AGBL4: variants seen among roughly 807,000 people sequenced by gnomAD.
AGBL4 encodes the protein AGBL carboxypeptidase 4.
AGBL4 carries 58 observed loss-of-function variants against 66.4 expected under a neutral mutation model. That is an observed-to-expected ratio of 0.87 (90% CI 0.71 to 1.09). The LOEUF (loss-of-function observed/expected upper bound fraction) is 1.09, where lower values mean the gene tolerates loss of function less well. Among genes scored for constraint, AGBL4 ranks in the 50% least tolerant of loss-of-function variants. The pLI, the probability that AGBL4 is intolerant of heterozygous loss-of-function variation, is 0.00. For missense variants in AGBL4, 579 were observed against 631.0 expected, an observed-to-expected ratio of 0.92 and a Z score of 0.88; for synonymous variants, 234 against 222.9, an observed-to-expected ratio of 1.05 and a Z score of -0.44.
intron 2 of AGBL4, among the ~76,000 whole-genome samples, chr1:49,778,176 T>A (rs1644244913): frequency 6.6e-6 from 1 of 152,152 alleles, no homozygotes; most frequent in African/African-American, 2.4e-5. Flanking sequence ...GAATGCTGAG[T>A]GGGCTTGCAT....
At chr1:48,748,870 G>T (rs1209748676) in intron 6 of AGBL4, among the ~76,000 whole-genome samples, 1 of 152,126 alleles carries the variant, frequency 6.6e-6, no homozygotes, top group Non-Finnish European at 1.5e-5. Flanking sequence ...CTGTGAGTGA[G>T]GGCAGGAGCA....
chr1:49,240,645 TTTC>T (rs1441385333), intron 4 of AGBL4, among the ~76,000 whole-genome samples: 1 of 151,692 alleles, frequency 6.6e-6, no homozygotes, highest in Non-Finnish European at 1.5e-5. Flanking sequence ...AATGTAGGGA[TTTC>T]TCAGAGCCTT....
intron 1 of AGBL4, among the ~76,000 whole-genome samples, chr1:49,863,180 C>A (rs905927440): frequency 1.3e-5 from 2 of 152,086 alleles, no homozygotes; most frequent in Admixed American, 1.3e-4. Flanking sequence ...CAAGAACATA[C>A]ACTCAGGAAA....
intron 4 of AGBL4, among the ~76,000 whole-genome samples, chr1:49,064,261 C>T (rs1644453259): frequency 1.3e-5 from 2 of 152,148 alleles, no homozygotes; most frequent in South Asian, 4.1e-4. Context: ...TTCTCAATAG[C>T]AATTTATTTC....
chr1:49,026,203 T>C (rs1346684218), intron 5 of AGBL4, among the ~76,000 whole-genome samples: 1 of 152,178 alleles, frequency 6.6e-6, no homozygotes, highest in Non-Finnish European at 1.5e-5. Flanking sequence ...TTTTCCTGTA[T>C]GTACAGAGTC....
chr1:48,579,221 T>C (rs12742217), intron 11 of AGBL4, among the ~76,000 whole-genome samples: 1 of 151,666 alleles, frequency 6.6e-6, no homozygotes, highest in East Asian at 1.9e-4. Context: ...TATCATATTG[T>C]TTTTTATTTT....
At chr1:49,237,491 C>CT (rs1412422423) in intron 4 of AGBL4, among the ~76,000 whole-genome samples, 8 of 144,924 alleles carry the variant, frequency 5.5e-5, no homozygotes, top group Non-Finnish European at 1.2e-4. Flanking sequence ...GTCACTCATC[C>CT]TTTTTTTCCT....
At chr1:48,788,372 G>A (rs1364559535) in intron 6 of AGBL4, among the ~76,000 whole-genome samples, 3 of 152,176 alleles carry the variant, frequency 2.0e-5, no homozygotes, top group African/African-American at 4.8e-5. Flanking sequence ...CTCCCTGAAG[G>A]CTGGGCAGTA....
intron 6 of AGBL4, among the ~76,000 whole-genome samples, chr1:48,827,271 A>C (rs1646447157): frequency 6.6e-6 from 1 of 152,232 alleles, no homozygotes; most frequent in Non-Finnish European, 1.5e-5. Context: ...CGATATAGCC[A>C]AGGTGCTTAG....
At chr1:49,246,346 T>A (rs541670305) in intron 3 of AGBL4, among the ~76,000 whole-genome samples, 1 of 151,988 alleles carries the variant, frequency 6.6e-6, no homozygotes, top group Non-Finnish European at 1.5e-5. Context: ...AGGGTAAGAG[T>A]AGTACATTTA....
chr1:49,972,778 GA>G (rs1403959394), intron 1 of AGBL4, among the ~76,000 whole-genome samples: 1 of 152,016 alleles, frequency 6.6e-6, no homozygotes, highest in East Asian at 1.9e-4. Flanking sequence ...GTACGTAGAA[GA>G]AAAAAACATA....
chr1:48,961,913 C>T (rs1052926588), intron 5 of AGBL4, among the ~76,000 whole-genome samples: 1 of 152,212 alleles, frequency 6.6e-6, no homozygotes, highest in African/African-American at 2.4e-5. Context: ...ACAGTCCTTT[C>T]AAAACCAGTG....
intron 4 of AGBL4, among the ~76,000 whole-genome samples, chr1:49,087,902 A>G (rs1348424917): frequency 6.6e-6 from 1 of 152,212 alleles, no homozygotes; most frequent in Admixed American, 6.5e-5. Context: ...GGCAAAAACC[A>G]TACAAGCCAG....
chr1:48,653,960 A>G (rs1372780082), intron 7 of AGBL4, among the ~76,000 whole-genome samples: 1 of 152,164 alleles, frequency 6.6e-6, no homozygotes. Flanking sequence ...TTTTAGCCAA[A>G]GTCACATGAG....
chr1:49,843,315 T>TGC (rs1002187172), intron 2 of AGBL4, among the ~76,000 whole-genome samples: 1 of 151,720 alleles, frequency 6.6e-6, no homozygotes, highest in African/African-American at 2.4e-5. Context: ...TGTGTGTGTG[T>TGC]GTGTGTGGAG....
At chr1:49,453,145 T>A (rs1032943650) in intron 3 of AGBL4, among the ~76,000 whole-genome samples, 1 of 151,940 alleles carries the variant, frequency 6.6e-6, no homozygotes, top group Admixed American at 6.6e-5. Flanking sequence ...ACTAAGGTCA[T>A]GCCACTAAAC....
At chr1:49,937,134 G>T (rs1294636494) in intron 1 of AGBL4, among the ~76,000 whole-genome samples, 2 of 152,096 alleles carry the variant, frequency 1.3e-5, no homozygotes, top group Non-Finnish European at 2.9e-5. Flanking sequence ...AAAATAAAAG[G>T]ATGGAGGAAG....
At chr1:49,915,197 G>T (rs1284048424) in intron 1 of AGBL4, among the ~76,000 whole-genome samples, 1 of 152,116 alleles carries the variant, frequency 6.6e-6, no homozygotes. Context: ...TCCAACGGAG[G>T]TACTGGGTTC....
At chr1:49,667,394 G>A (rs1010628835) in intron 3 of AGBL4, among the ~76,000 whole-genome samples, 3 of 151,990 alleles carry the variant, frequency 2.0e-5, no homozygotes, top group South Asian at 2.1e-4. Context: ...GGAGGTCAAG[G>A]CTTCAACGAG....
Sources: gnomAD v4.1 joint callset for allele counts (sites outside exome capture counted in the v4.1 genomes callset) on GRCh38, gnomAD v4.1.1 for gene constraint, MANE v1.5 for transcripts, NCBI Gene and HGNC (gene_info 2026-07-23, HGNC 2026-07-21) for gene names.